CALN1: variants seen among roughly 807,000 people sequenced by gnomAD.
CALN1 encodes the protein calneuron 1.
CALN1 carries 17 observed loss-of-function variants against 30.6 expected under a neutral mutation model. The observed-to-expected ratio is 0.56, with a 90% CI of 0.38 to 0.83. CALN1 has a LOEUF of 0.83. Ranked by LOEUF, CALN1 falls within the 40% of genes least tolerant of loss-of-function variation. The pLI is 0.00. For missense variants in CALN1, 291 were observed against 354.9 expected (o/e 0.82, Z 1.45); for synonymous variants, 156 against 131.4 (o/e 1.19, Z -1.28).
intron 5 of CALN1, among the ~76,000 whole-genome samples, chr7:72,002,023 G>A (rs1287427958): frequency 6.6e-6 from 1 of 152,092 alleles, no homozygotes; most frequent in Non-Finnish European, 1.5e-5. Context: ...AATTAAAGAA[G>A]AGAAGAATTA....
chr7:71,862,395 C>T (rs1359004549), intron 5 of CALN1, among the ~76,000 whole-genome samples: 1 of 152,156 alleles, frequency 6.6e-6, no homozygotes, highest in Non-Finnish European at 1.5e-5. Context: ...CTTTCCCGTG[C>T]TGTTCTCATG....
At chr7:72,238,626 G>C (rs562725139) in intron 3 of CALN1, among the ~76,000 whole-genome samples, 1 of 152,086 alleles carries the variant, frequency 6.6e-6, no homozygotes, top group African/African-American at 2.4e-5. Flanking sequence ...TTAGCTCCAT[G>C]TTGTTCTCAT....
intron 5 of CALN1, among the ~76,000 whole-genome samples, chr7:71,843,775 T>C (rs1406566791): frequency 6.6e-6 from 1 of 152,192 alleles, no homozygotes; most frequent in African/African-American, 2.4e-5. Context: ...TGGGCACGCA[T>C]GAGGTATGCT....
intron 5 of CALN1, among the ~76,000 whole-genome samples, chr7:71,940,180 A>G (rs1562921179): frequency 6.6e-6 from 1 of 152,136 alleles, no homozygotes; most frequent in Non-Finnish European, 1.5e-5. Flanking sequence ...CAGCACTGTG[A>G]GACTGACAAA....
chr7:72,128,403 G>T (rs1397807549), intron 3 of CALN1, among the ~76,000 whole-genome samples: 3 of 152,062 alleles, frequency 2.0e-5, no homozygotes, highest in African/African-American at 7.2e-5. Flanking sequence ...GAATGAAACT[G>T]CACTCCACAA....
At chr7:72,348,713 A>G (rs1042952046) in intron 2 of CALN1, among the ~76,000 whole-genome samples, 1 of 152,242 alleles carries the variant, frequency 6.6e-6, no homozygotes, top group Non-Finnish European at 1.5e-5. Context: ...CCTTCCTGGT[A>G]GCAGGAATAA....
chr7:72,287,199 C>T (rs988890025), intron 2 of CALN1, among the ~76,000 whole-genome samples: 1 of 152,052 alleles, frequency 6.6e-6, no homozygotes, highest in Non-Finnish European at 1.5e-5. Context: ...TTACCACCTA[C>T]TCTATTCTTT....
intron 5 of CALN1, among the ~76,000 whole-genome samples, chr7:71,931,703 G>A (rs978413292): frequency 1.8e-4 from 27 of 152,228 alleles, no homozygotes; most frequent in African/African-American, 6.3e-4. Flanking sequence ...GAGGGATACA[G>A]TGCAATCCCA....
chr7:71,887,514 T>G (rs1371132216), intron 5 of CALN1, among the ~76,000 whole-genome samples: 1 of 152,078 alleles, frequency 6.6e-6, no homozygotes, highest in Non-Finnish European at 1.5e-5. Context: ...GTCAGGCTAG[T>G]CTTGAACCCC....
At chr7:72,042,327 A>C (rs1802181324) in intron 4 of CALN1, among the ~76,000 whole-genome samples, 1 of 152,184 alleles carries the variant, frequency 6.6e-6, no homozygotes, top group Non-Finnish European at 1.5e-5. Flanking sequence ...TGGAGAAAGA[A>C]TACAACACAC....
At chr7:72,115,453 A>C (rs958685815) in intron 3 of CALN1, among the ~76,000 whole-genome samples, 1 of 147,372 alleles carries the variant, frequency 6.8e-6, no homozygotes, top group Non-Finnish European at 1.5e-5. Context: ...TGTTCAGTTC[A>C]GTAATGATAA....
chr7:72,469,284 G>T, the CALN1 span, among the ~76,000 whole-genome samples: 3 of 152,144 alleles, frequency 2.0e-5, no homozygotes, highest in South Asian at 4.1e-4. Flanking sequence ...TCTTTTTCAT[G>T]TGAATATCCA....
chr7:72,114,207 C>T (rs932472185), intron 3 of CALN1, among the ~76,000 whole-genome samples: 3 of 134,258 alleles, frequency 2.2e-5, no homozygotes, highest in African/African-American at 8.3e-5. Context: ...ATGGTAAAAC[C>T]CAAGAAAGAA....
Position 72,338,525 on chromosome 7 carries a change from G to GTGTGTC in CALN1, c.120-59716_120-59715insGACACA. ...TGTGTGTGTGTGTGTGTGTGTGTGT[G>GTGTGTC]TGTCTCACCTGGGTGTGGTTTCAGA... On this transcript the variant is annotated intron_variant, in intron 2 of 6. Transcript: ENST00000395275. 5.1e-4 allele frequency among the ~76,000 whole-genome samples: 62 copies of GTGTGTC among 122,374 alleles called. 2 individuals are homozygous for GTGTGTC. The highest frequency in any genetic ancestry group is 1.2e-3 in the African/African-American group (37 of 32,090). The allele number at this position is 122,374 out of a possible 152,430, so 80.3% of individuals were successfully genotyped here.
At chr7:72,339,825 G>C (rs755574272) in intron 2 of CALN1, among the ~76,000 whole-genome samples, 2 of 152,178 alleles carry the variant, frequency 1.3e-5, no homozygotes, top group Non-Finnish European at 2.9e-5. Flanking sequence ...ACTATCATGA[G>C]AGCAGTATGG....
At chr7:72,366,865 G>A (rs1803906872) in intron 2 of CALN1, among the ~76,000 whole-genome samples, 1 of 151,562 alleles carries the variant, frequency 6.6e-6, no homozygotes, top group Admixed American at 6.6e-5. Context: ...CAAAAGACAT[G>A]CACTAGAATA....
intron 4 of CALN1, among the ~76,000 whole-genome samples, chr7:72,048,086 C>T (rs1802595661): frequency 6.8e-6 from 1 of 147,050 alleles, no homozygotes; most frequent in Non-Finnish European, 1.5e-5. Flanking sequence ...GTCACCCAGG[C>T]TGGAGTGCAG....
intron 6 of CALN1, among the ~76,000 whole-genome samples, chr7:71,799,779 T>C (rs1787198453): frequency 6.6e-6 from 1 of 151,952 alleles, no homozygotes; most frequent in Non-Finnish European, 1.5e-5. Context: ...CCCAGCTGGG[T>C]CTCTATTTTC....
intron 2 of CALN1, among the ~76,000 whole-genome samples, chr7:72,400,995 C>G (rs1554401001): frequency 6.6e-6 from 1 of 152,158 alleles, no homozygotes; most frequent in Non-Finnish European, 1.5e-5. Flanking sequence ...ACCACTCAGG[C>G]CACTGCAGCG....
Sources: allele counts gnomAD v4.1 joint callset (sites outside exome capture counted in the v4.1 genomes callset), GRCh38; gene constraint gnomAD v4.1.1; transcripts MANE v1.5; gene names NCBI Gene and HGNC (gene_info 2026-07-23, HGNC 2026-07-21).